The following WFDC11 variants were observed in gnomAD, a reference collection of about 807,000 sequenced individuals.
WFDC11 encodes the protein WAP four-disulfide core domain 11.
A neutral mutation model predicts 9.9 loss-of-function variants in WFDC11; 9 were observed. The ratio of observed to expected loss-of-function variants is 0.91; its 90% CI spans 0.55 to 1.58. The LOEUF is 1.58. Among genes scored for constraint, WFDC11 ranks in the 40% most tolerant of loss-of-function variants. The pLI, the probability that WFDC11 is intolerant of heterozygous loss-of-function variation, is 0.00. For missense variants in WFDC11, 106 were observed against 101.7 expected, an observed-to-expected ratio of 1.04 and a Z score of -0.18; for synonymous variants, 32 against 33.3, an observed-to-expected ratio of 0.96 and a Z score of 0.13.
At position 45,655,322 on chromosome 20, in the gene WFDC11, C is replaced by T. The variant is rs1013872328; in HGVS notation, c.-51-4671G>A. On this transcript the variant is annotated intron_variant, in intron 2 of 4. Transcript: ENST00000324384. ...TAATCCAGCATATAAACATAACCAA[C>T]GACAAAAACCATATGATTATCTCAA... Among the ~76,000 whole-genome samples the T allele has an allele frequency of 1.2e-4, 19 of 152,196 alleles. 1 individual carries two copies. Among genetic ancestry groups the T allele is most frequent in the South Asian group, 1.0e-3 (5 of 4,816 alleles).
intron 2 of WFDC11, among the ~76,000 whole-genome samples, chr20:45,658,805 G>T (rs1213292174): frequency 6.6e-6 from 1 of 152,016 alleles, no homozygotes; most frequent in African/African-American, 2.4e-5. Context: ...ACGTGCCATG[G>T]TGATTTGCTG....
intron 2 of WFDC11, among the ~76,000 whole-genome samples, chr20:45,656,158 G>A (rs1163203532): frequency 6.6e-6 from 1 of 152,070 alleles, no homozygotes; most frequent in Non-Finnish European, 1.5e-5. Flanking sequence ...AAAGCTGGAG[G>A]CATCACGTTA....
intron 3 of WFDC11, among the ~76,000 whole-genome samples, chr20:45,649,805 G>A (rs1025241008): frequency 6.6e-6 from 1 of 151,968 alleles, no homozygotes; most frequent in African/African-American, 2.4e-5. Context: ...CACAGAGTGG[G>A]GAGCTAGGCC....
Position 45,648,577 on chromosome 20 carries a change from T to C in WFDC11, c.*142A>G. The C allele has an allele frequency of 3.4e-6, 3 of 873,018 alleles. No individual in the cohort carries two copies. Among genetic ancestry groups the C allele is most frequent in the Non-Finnish European group, 5.3e-6 (3 of 562,806 alleles). 54.1% of individuals were successfully genotyped at this position (873,018 alleles called of 1,614,324 possible). ...GGCAAGGCCACTACTGGTAAATAAG[T>C]TTATTTGTCAAGTGTTTGCTGTTGT... is the stretch of plus-strand genomic sequence containing the variant. On this transcript the variant is annotated 3_prime_UTR_variant, in exon 5 of 5. Transcript: ENST00000324384.
At position 45,653,418 on chromosome 20, in the gene WFDC11, G is replaced by C. The variant is rs547248837; in HGVS notation, c.-51-2767C>G. Among the ~76,000 whole-genome samples the C allele has an allele frequency of 1.1e-4, 17 of 152,052 alleles. No homozygotes were observed. The South Asian group carries it at 2.5e-3, about 22-fold the overall frequency. On this transcript the variant is annotated intron_variant, in intron 2 of 4. Transcript: ENST00000324384. ...CCACCAGGCCTGCCCTACAAGAAGA[G>C]CTCCTGAAGGAAGCACTAAACATGG...
intron 2 of WFDC11, among the ~76,000 whole-genome samples, chr20:45,659,483 T>C (rs1347375298): frequency 6.6e-6 from 1 of 152,250 alleles, no homozygotes; most frequent in African/African-American, 2.4e-5. Flanking sequence ...CTTTTTTTCA[T>C]ATGTTTGTTG....
chr20:45,661,845 G>T (rs1380929680), intron 2 of WFDC11, among the ~76,000 whole-genome samples: 22 of 150,012 alleles, frequency 1.5e-4, no homozygotes, highest in Admixed American at 2.0e-4. Flanking sequence ...TTGAAGTCAG[G>T]TAGTGTGATG....
chr20:45,662,838 A>T (rs1467185325), intron 2 of WFDC11, among the ~76,000 whole-genome samples: 1 of 152,060 alleles, frequency 6.6e-6, no homozygotes, highest in East Asian at 1.9e-4. Context: ...TTTATTGAGG[A>T]TTTTTGCAGC....
intron 2 of WFDC11, among the ~76,000 whole-genome samples, chr20:45,656,127 T>C (rs1331106142): frequency 6.6e-6 from 1 of 151,930 alleles, no homozygotes; most frequent in Non-Finnish European, 1.5e-5. Flanking sequence ...CATCGCCAAG[T>C]CAATCCTAAA....
At chr20:45,661,997 A>T (rs1241026856) in intron 2 of WFDC11, among the ~76,000 whole-genome samples, 2 of 152,126 alleles carry the variant, frequency 1.3e-5, no homozygotes, top group African/African-American at 4.8e-5. Context: ...GAATCTATAA[A>T]TTACCTTGGA....
At chr20:45,648,833 C>A in intron 4 of WFDC11, 94 bp from the exon 5 acceptor site, 2 of 1,289,076 alleles carry the variant, frequency 1.6e-6, no homozygotes, top group Non-Finnish European at 1.1e-6. Flanking sequence ...GTTCACCAGA[C>A]AATGGGACAA....
intron 2 of WFDC11, among the ~76,000 whole-genome samples, chr20:45,651,362 A>G (rs1258472555): frequency 2.0e-5 from 3 of 152,144 alleles, no homozygotes; most frequent in African/African-American, 2.4e-5. Context: ...GTACCCATCA[A>G]CCATTCTGGA....
chr20:45,652,483 A>G, intron 2 of WFDC11, among the ~76,000 whole-genome samples: 1 of 152,216 alleles, frequency 6.6e-6, no homozygotes, highest in South Asian at 2.1e-4. Flanking sequence ...AAGATGGGGG[A>G]AAAACAGAGC....
At chr20:45,658,069 CTATT>C (rs933331942) in intron 2 of WFDC11, among the ~76,000 whole-genome samples, 4 of 151,886 alleles carry the variant, frequency 2.6e-5, no homozygotes, top group South Asian at 4.2e-4. Context: ...ATATAAAAAA[CTATT>C]TATAGGACAT....
chr20:45,651,446 A>C (rs2145615567), intron 2 of WFDC11, among the ~76,000 whole-genome samples: 1 of 152,242 alleles, frequency 6.6e-6, no homozygotes, highest in South Asian at 2.1e-4. Context: ...TATGTCACAC[A>C]ATATTTATTC....
intron 2 of WFDC11, among the ~76,000 whole-genome samples, chr20:45,662,770 C>G (rs1049261256): frequency 1.4e-4 from 22 of 152,176 alleles, no homozygotes; most frequent in African/African-American, 4.8e-4. Context: ...GGGATGAAGC[C>G]AACTTGATCA....
intron 2 of WFDC11, among the ~76,000 whole-genome samples, chr20:45,659,662 T>A (rs1279747182): frequency 6.6e-6 from 1 of 152,260 alleles, no homozygotes; most frequent in African/African-American, 2.4e-5. Flanking sequence ...ATTCTGTAGG[T>A]TGCCTGTTCA....
intron 2 of WFDC11, among the ~76,000 whole-genome samples, chr20:45,659,630 T>C (rs943643027): frequency 6.6e-6 from 1 of 152,240 alleles, no homozygotes; most frequent in African/African-American, 2.4e-5. Flanking sequence ...GTCAGACGGA[T>C]AGATTGCAAC....
At chr20:45,670,053 T>C (rs184213000) in intron 1 of WFDC11, 125 bp downstream of exon 1, 48 of 152,020 alleles carry the variant, frequency 3.2e-4, no homozygotes, top group African/African-American at 1.0e-3. Context: ...GCACACAAAC[T>C]AGAAAACCTA....
Sources: allele counts gnomAD v4.1 joint callset (sites outside exome capture counted in the v4.1 genomes callset), GRCh38; gene constraint gnomAD v4.1.1; transcripts MANE v1.5; gene names NCBI Gene and HGNC (gene_info 2026-07-23, HGNC 2026-07-21).